TMEM132B: variants seen among roughly 807,000 people sequenced by gnomAD.
The protein encoded by TMEM132B is transmembrane protein 132B.
A neutral mutation model predicts 90.8 loss-of-function variants in TMEM132B; 18 were observed. The observed-to-expected ratio is 0.20, with a 90% CI of 0.14 to 0.29. The LOEUF (loss-of-function observed/expected upper bound fraction) is 0.29. Among genes scored for constraint, TMEM132B ranks in the 10% least tolerant of loss-of-function variants. The probability of loss-of-function intolerance (pLI) is 1.00; values close to 1 mark genes in which losing one functional copy is unlikely to be tolerated. For synonymous variants in TMEM132B, 504 were observed against 523.3 expected, an observed-to-expected ratio of 0.96 and a Z score of 0.50; for missense variants, 1,096 against 1,326.8, an observed-to-expected ratio of 0.83 and a Z score of 2.70.
rs1376880417 is a variant in TMEM132B, at chr12:125,349,309, C to T, written c.68-143C>T. The T allele has an allele frequency of 8.1e-6, 7 of 864,298 alleles. No homozygotes were observed. Among genetic ancestry groups the T allele is most frequent in the South Asian group, 2.0e-5 (1 of 51,022 alleles). 53.5% of individuals were successfully genotyped at this position (864,298 alleles called of 1,614,324 possible). A position where few individuals can be genotyped will look rare whatever the true frequency, so the allele number is the denominator to read the frequency against. ...CTGAAGACCATACTTTATATAATTA[C>T]AGGGCTTTCACTGTGATGAGACCTG... On this transcript the variant is annotated intron_variant, in intron 1 of 8. Transcript: ENST00000682704. This position sits in a 1 kb window ranked among gnomAD's most constrained non-coding sequence, Gnocchi z 4.1.
intron 3 of TMEM132B, among the ~76,000 whole-genome samples, chr12:125,506,127 T>C (rs1364443361): frequency 6.6e-6 from 1 of 152,226 alleles, no homozygotes; most frequent in Non-Finnish European, 1.5e-5. Flanking sequence ...CAAGTGTGCA[T>C]TAACTGATGA....
chr12:125,218,769 G>GTTT (rs34905706), intron 1 of TMEM132B, among the ~76,000 whole-genome samples: 77,949 of 108,644 alleles, frequency 0.72, 29,336 homozygotes, highest in South Asian at 0.8. Flanking sequence ...TGTTGAAGCT[G>GTTT]TTTTTTTTTT....
At chr12:125,446,192 T>C (rs936853755) in intron 3 of TMEM132B, among the ~76,000 whole-genome samples, 3 of 152,252 alleles carry the variant, frequency 2.0e-5, no homozygotes, top group Non-Finnish European at 4.4e-5. Context: ...AATTACTGAC[T>C]GGACTCCAGC....
intron 3 of TMEM132B, among the ~76,000 whole-genome samples, chr12:125,513,828 TTTTG>T (rs1883041884): frequency 6.6e-6 from 1 of 152,328 alleles, no homozygotes; most frequent in African/African-American, 2.4e-5. Flanking sequence ...AATTGAAGAA[TTTTG>T]TTTAATTCTT....
intron 4 of TMEM132B, among the ~76,000 whole-genome samples, chr12:125,567,755 T>A (rs1257625638): frequency 6.6e-6 from 1 of 152,212 alleles, no homozygotes; most frequent in Non-Finnish European, 1.5e-5. Context: ...CTGTGTGAAA[T>A]TTTAATGTAG....
intron 1 of TMEM132B, among the ~76,000 whole-genome samples, chr12:125,208,623 C>T (rs989383238): frequency 1.3e-5 from 2 of 152,114 alleles, no homozygotes; most frequent in African/African-American, 2.4e-5. Context: ...GTGTCCGGAC[C>T]GCATAGTGTT....
chr12:125,628,057 C>G (rs960604570), intron 5 of TMEM132B, among the ~76,000 whole-genome samples: 40 of 152,144 alleles, frequency 2.6e-4, no homozygotes, highest in African/African-American at 8.7e-4. Flanking sequence ...TTTATCCATT[C>G]ATCTGTTGAT....
At chr12:125,548,567 A>G (rs570387567) in intron 4 of TMEM132B, among the ~76,000 whole-genome samples, 93 of 152,336 alleles carry the variant, frequency 6.1e-4, no homozygotes, top group African/African-American at 1.4e-3. Flanking sequence ...GAGAGACAGG[A>G]AAGGCTCACA....
At position 125,267,644 on chromosome 12, in the gene TMEM132B, C is replaced by T. The variant is rs1317473207; in HGVS notation, c.67+80778C>T. On this transcript the variant is annotated intron_variant, in intron 1 of 8. Transcript: ENST00000682704. Reference sequence around the variant, plus strand: ...ATAAGAGGTAACTGAAACTCGCACTCATGGCTGGGGCATGCAATAGGGAGT... The same window carrying T: ...ATAAGAGGTAACTGAAACTCGCACTTATGGCTGGGGCATGCAATAGGGAGT... 3.3e-5 allele frequency among the ~76,000 whole-genome samples: 5 copies of T among 152,138 alleles called. No individual in the cohort carries two copies. The East Asian group carries it at 7.7e-4, about 23-fold the overall frequency.
At position 125,280,644 on chromosome 12, in the gene TMEM132B, C is replaced by T. The variant is rs529712920; in HGVS notation, c.68-68808C>T. On this transcript the variant is annotated intron_variant, in intron 1 of 8. Coordinates refer to ENST00000682704, the MANE Select transcript of TMEM132B (RefSeq NM_001366854.1). ...GCTGGGAGCAGATGCTGCTGCTCCC[C>T]TACGCCGGGACAGCTCACGTCTCAT... 1.1e-3 allele frequency among the ~76,000 whole-genome samples: 160 copies of T among 152,330 alleles called. 1 individual carries two copies. The highest frequency in any genetic ancestry group is 3.8e-3 in the African/African-American group (157 of 41,574).
intron 3 of TMEM132B, among the ~76,000 whole-genome samples, chr12:125,432,528 T>TATATATATATATAGAGAG (rs1458075923): frequency 2.6e-5 from 1 of 39,128 alleles, no homozygotes; most frequent in African/African-American, 1.2e-4. Flanking sequence ...TATATATATA[T>TATATATATATATAGAGAG]AGAGAGAGAG....
At chr12:125,412,890 A>G (rs1006009166) in intron 2 of TMEM132B, among the ~76,000 whole-genome samples, 1 of 152,056 alleles carries the variant, frequency 6.6e-6, no homozygotes, top group African/African-American at 2.4e-5. Context: ...AGCTTTGTGA[A>G]AGTAGCAGAT....
At chr12:125,280,002 T>C (rs1875114362) in intron 1 of TMEM132B, among the ~76,000 whole-genome samples, 1 of 152,226 alleles carries the variant, frequency 6.6e-6, no homozygotes, top group Non-Finnish European at 1.5e-5. Context: ...GGTATTACTT[T>C]TATCCCTCAG....
chr12:125,437,592 A>G (rs1880742721), intron 3 of TMEM132B, among the ~76,000 whole-genome samples: 1 of 151,428 alleles, frequency 6.6e-6, no homozygotes, highest in Non-Finnish European at 1.5e-5. Flanking sequence ...GCTCATATGG[A>G]TAAAGAAAAA....
At chr12:125,357,077 C>G (rs1042973486) in intron 2 of TMEM132B, among the ~76,000 whole-genome samples, 2 of 152,136 alleles carry the variant, frequency 1.3e-5, no homozygotes, top group Non-Finnish European at 1.5e-5. Context: ...TCAATAAATA[C>G]TTGTTGAATG....
At chr12:125,584,402 C>T (rs1293069854) in intron 5 of TMEM132B, 1 of 177,712 alleles carries the variant, frequency 5.6e-6, no homozygotes, top group African/African-American at 2.4e-5. Context: ...TCTTTAAATG[C>T]CTTGCTTCTT....
At chr12:125,484,291 G>A (rs531553915) in intron 3 of TMEM132B, among the ~76,000 whole-genome samples, 1 of 151,954 alleles carries the variant, frequency 6.6e-6, no homozygotes, top group Non-Finnish European at 1.5e-5. Context: ...CATGGATGGT[G>A]AGGACATTGT....
chr12:125,598,512 T>C (rs1278872495), intron 5 of TMEM132B, among the ~76,000 whole-genome samples: 1 of 151,908 alleles, frequency 6.6e-6, no homozygotes, highest in East Asian at 1.9e-4. Flanking sequence ...CTTTACAGAG[T>C]TGTCTCAGTA....
At chr12:125,253,398 A>T (rs1042188344) in intron 1 of TMEM132B, among the ~76,000 whole-genome samples, 1 of 150,800 alleles carries the variant, frequency 6.6e-6, no homozygotes, top group African/African-American at 2.4e-5. Context: ...AGAACATTTC[A>T]TACATCTCTT....
Sources: allele counts gnomAD v4.1 joint callset (sites outside exome capture counted in the v4.1 genomes callset), GRCh38; gene constraint gnomAD v4.1.1; non-coding constraint Gnocchi (gnomAD v3.1); transcripts MANE v1.5; gene names NCBI Gene and HGNC (gene_info 2026-07-23, HGNC 2026-07-21).